The following SOCS2 variants were observed in gnomAD, a reference collection of about 807,000 sequenced individuals.
The protein encoded by SOCS2 is CIS-2.
Under a neutral mutation model 18.6 loss-of-function variants are expected in SOCS2, and 10 were observed. That is an observed-to-expected ratio of 0.54 (90% CI 0.33 to 0.91). The LOEUF (loss-of-function observed/expected upper bound fraction) is 0.91, where lower values mean the gene tolerates loss of function less well. Ranked by LOEUF, SOCS2 falls within the 40% of genes least tolerant of loss-of-function variation. The pLI is 0.02. For missense variants in SOCS2, 231 were observed against 247.2 expected (o/e 0.93, Z 0.44); for synonymous variants, 104 against 104.0 (o/e 1.00, Z 0.00).
the SOCS2 span, among the ~76,000 whole-genome samples, chr12:93,591,689 CG>C: frequency 4.6e-5 from 7 of 152,124 alleles, no homozygotes; most frequent in Admixed American, 6.5e-5. Flanking sequence ...GGGCGCCGCT[CG>C]GGTCTCCCAG....
the SOCS2 span, among the ~76,000 whole-genome samples, chr12:93,614,438 C>T: frequency 4.1e-3 from 216 of 52,960 alleles, 17 homozygotes; most frequent in African/African-American, 0.021. Context: ...TCCCTTCCTT[C>T]CTTCCTTCCT....
chr12:93,590,782 TCAAAAAAAAAAA>T, the SOCS2 span, among the ~76,000 whole-genome samples: 10 of 14,160 alleles, frequency 7.1e-4, no homozygotes, highest in African/African-American at 3.0e-3. Context: ...AGACTCCGCC[TCAAAAAAAAAAA>T]AAAAAAAAAA....
At chr12:93,585,382 G>A (rs1954577532), downstream of SOCS2, among the ~76,000 whole-genome samples, 1 of 152,160 alleles carries the variant, frequency 6.6e-6, no homozygotes, top group Admixed American at 6.5e-5. Flanking sequence ...AGGAGAATCA[G>A]AGGATCTCTT....
At chr12:93,579,250 A>G (rs1417744354), downstream of SOCS2, among the ~76,000 whole-genome samples, 1 of 152,146 alleles carries the variant, frequency 6.6e-6, no homozygotes. Flanking sequence ...TTCCTATCAT[A>G]AAGTTGCCCT....
chr12:93,603,647 G>A, the SOCS2 span, among the ~76,000 whole-genome samples: 36 of 152,226 alleles, frequency 2.4e-4, no homozygotes, highest in African/African-American at 8.4e-4. Context: ...AGATTTACAA[G>A]TTACCTTGTC....
chr12:93,587,972 G>A (rs1234920864), downstream of SOCS2, among the ~76,000 whole-genome samples: 2 of 152,182 alleles, frequency 1.3e-5, no homozygotes, highest in African/African-American at 2.4e-5. Context: ...CATCAGATTT[G>A]GTGGCAATAT....
At chr12:93,597,600 G>C in the SOCS2 span, among the ~76,000 whole-genome samples, 1 of 152,162 alleles carries the variant, frequency 6.6e-6, no homozygotes, top group Non-Finnish European at 1.5e-5. Context: ...ACAGGTGTGA[G>C]CCGCCATGCC....
chr12:93,603,270 G>A, the SOCS2 span, among the ~76,000 whole-genome samples: 55 of 152,326 alleles, frequency 3.6e-4, no homozygotes, highest in Non-Finnish European at 6.5e-4. Context: ...TGGGGTCACT[G>A]TGTGCAGGGC....
the SOCS2 span, among the ~76,000 whole-genome samples, chr12:93,619,436 C>T: frequency 6.6e-6 from 1 of 152,126 alleles, no homozygotes; most frequent in Non-Finnish European, 1.5e-5. Flanking sequence ...TACATAGGTG[C>T]TCCCACATGC....
chr12:93,607,610 C>CAGCAAAATTCACAGGGGTGCCA, the SOCS2 span, among the ~76,000 whole-genome samples: 1 of 152,204 alleles, frequency 6.6e-6, no homozygotes, highest in African/African-American at 2.4e-5. Flanking sequence ...TCACTCCTGA[C>CAGCAAAATTCACAGGGGTGCCA]AGCAAAATTC....
the SOCS2 span, among the ~76,000 whole-genome samples, chr12:93,622,948 G>C: frequency 6.6e-6 from 1 of 152,166 alleles, no homozygotes; most frequent in African/African-American, 2.4e-5. Context: ...ATCACTTTCA[G>C]TTCTTAAAAA....
chr12:93,624,637 AGACT>A, the SOCS2 span, among the ~76,000 whole-genome samples: 3 of 152,242 alleles, frequency 2.0e-5, no homozygotes, highest in African/African-American at 7.2e-5. Context: ...CAGCACAAAC[AGACT>A]AAGACAATAC....
chr12:93,572,591 A>C (rs1003399414), upstream of SOCS2: 1 of 596,506 alleles, frequency 1.7e-6, no homozygotes, highest in Non-Finnish European at 3.1e-6. This position sits in a 1 kb window ranked among gnomAD's most constrained non-coding sequence, Gnocchi z 5.0. Flanking sequence ...GAGGCGGAGG[A>C]GTCCCTGGGA....
the SOCS2 span, among the ~76,000 whole-genome samples, chr12:93,613,741 T>C: frequency 1.3e-5 from 2 of 152,226 alleles, no homozygotes; most frequent in Admixed American, 6.5e-5. Flanking sequence ...AGAAAGTAAC[T>C]TTCTAATGTT....
chr12:93,614,739 C>T, the SOCS2 span, among the ~76,000 whole-genome samples: 11 of 150,506 alleles, frequency 7.3e-5, no homozygotes, highest in African/African-American at 9.8e-5. Context: ...CCTCAGACCC[C>T]GAGCAGCTGG....
the SOCS2 span, among the ~76,000 whole-genome samples, chr12:93,589,583 A>G: frequency 6.6e-6 from 1 of 152,144 alleles, no homozygotes; most frequent in Non-Finnish European, 1.5e-5. Context: ...TTGCTGTTGC[A>G]TGTTCTTGGC....
chr12:93,598,441 G>A, the SOCS2 span, among the ~76,000 whole-genome samples: 1 of 152,120 alleles, frequency 6.6e-6, no homozygotes, highest in Non-Finnish European at 1.5e-5. Context: ...GTATAAGCAG[G>A]GTCATGCCAT....
chr12:93,584,394 C>T (rs182124305), downstream of SOCS2, among the ~76,000 whole-genome samples: 4 of 152,246 alleles, frequency 2.6e-5, no homozygotes, highest in Admixed American at 2.6e-4. Context: ...AGTGCAAGAC[C>T]TTAGTCCAAA....
the SOCS2 span, among the ~76,000 whole-genome samples, chr12:93,602,399 C>T: frequency 6.6e-6 from 1 of 152,152 alleles, no homozygotes; most frequent in African/African-American, 2.4e-5. Context: ...ACTGGCCAAT[C>T]CTCAGTATTT....
Sources: allele counts gnomAD v4.1 joint callset (sites outside exome capture counted in the v4.1 genomes callset), GRCh38; gene constraint gnomAD v4.1.1; non-coding constraint Gnocchi (gnomAD v3.1); transcripts MANE v1.5; gene names NCBI Gene and HGNC (gene_info 2026-07-23, HGNC 2026-07-21).